PALLD: variants seen among roughly 807,000 people sequenced by gnomAD.
The protein encoded by PALLD is palladin, cytoskeletal associated protein.
PALLD carries 61 observed loss-of-function variants against 123.5 expected under a neutral mutation model. That is an observed-to-expected ratio of 0.49 (90% CI 0.40 to 0.61). The LOEUF (loss-of-function observed/expected upper bound fraction) is 0.61, where lower values mean the gene tolerates loss of function less well. Among genes scored for constraint, PALLD ranks in the 20% least tolerant of loss-of-function variants. PALLD has a pLI of 0.00. For synonymous variants in PALLD, 465 were observed against 496.4 expected, an observed-to-expected ratio of 0.94 and a Z score of 0.84; for missense variants, 1,273 against 1,377.0, an observed-to-expected ratio of 0.92 and a Z score of 1.20.
intron 10 of PALLD, among the ~76,000 whole-genome samples, chr4:168,766,346 A>T (rs1010620265): frequency 6.6e-6 from 1 of 152,210 alleles, no homozygotes; most frequent in Non-Finnish European, 1.5e-5. Context: ...TTTCACTTAA[A>T]AAATAATAAG....
chr4:168,575,973 AG>A (rs1183807239), intron 2 of PALLD, among the ~76,000 whole-genome samples: 6 of 152,136 alleles, frequency 3.9e-5, no homozygotes, highest in Non-Finnish European at 2.9e-5. Flanking sequence ...GAGGAGCTCC[AG>A]GTATTTCTAT....
rs748402946 is a variant in PALLD at position 168,926,580 on chromosome 4, T to C, written c.*400T>C. 10 of 497,392 alleles carry C rather than the reference T, an allele frequency of 2.0e-5. No homozygotes were observed. The highest frequency in any genetic ancestry group is 5.8e-5 in the African/African-American group (3 of 51,820). The allele number at this position is 497,392 out of a possible 1,614,324, so 30.8% of individuals were successfully genotyped here. A position where few individuals can be genotyped will look rare whatever the true frequency, so the allele number is the denominator to read the frequency against. On this transcript the variant is annotated 3_prime_UTR_variant, in exon 22 of 22. Transcript: ENST00000505667. ...GATAATGCTAATACAAATATACACA[T>C]TGCACAGAAAATACACATTTACTGT...
chr4:168,749,629 G>A (rs201540851), intron 10 of PALLD, among the ~76,000 whole-genome samples: 3 of 152,134 alleles, frequency 2.0e-5, no homozygotes, highest in South Asian at 2.1e-4. Context: ...ACTTGAACCC[G>A]AGAGGCAGAG....
At chr4:168,896,446 C>G (rs886421182) in intron 12 of PALLD, 103 bp from the exon 13 acceptor site, 9 of 721,426 alleles carry the variant, frequency 1.2e-5, no homozygotes, top group Admixed American at 6.1e-5. Context: ...CTACCAAACG[C>G]ATATTGCTAG....
chr4:168,743,855 A>C (rs1159304039), intron 10 of PALLD, among the ~76,000 whole-genome samples: 8 of 152,174 alleles, frequency 5.3e-5, no homozygotes, highest in Admixed American at 5.2e-4. Flanking sequence ...CTATCTGTGG[A>C]CATCTCCCAG....
At chr4:168,529,199 T>C (rs1226604621) in intron 2 of PALLD, among the ~76,000 whole-genome samples, 3 of 152,098 alleles carry the variant, frequency 2.0e-5, no homozygotes, top group African/African-American at 4.8e-5. Flanking sequence ...TCGTTGGGCA[T>C]GGTGGCACAT....
At chr4:168,855,678 C>A (rs747732757) in intron 10 of PALLD, among the ~76,000 whole-genome samples, 2 of 152,164 alleles carry the variant, frequency 1.3e-5, no homozygotes, top group Non-Finnish European at 2.9e-5. Context: ...CTATATAGTT[C>A]AGCCTTTGTC....
rs1759973226 is a variant in PALLD, at chr4:168,915,841, TG to T, written c.2718-52del. ...TTAAGAAAACAGATGACTAAAAGTC[TG>T]GAAGTAACTACTATCTATATTTCTA... On this transcript the variant is annotated intron_variant, in intron 16 of 21. Coordinates refer to ENST00000505667, the MANE Select transcript of PALLD (RefSeq NM_001166108.2). 3 of 1,428,306 alleles carry T rather than the reference TG, an allele frequency of 2.1e-6. No individual in the cohort carries two copies. The Admixed American group carries it at 5.0e-5, about 24-fold the overall frequency. 88.5% of individuals were successfully genotyped at this position (1,428,306 alleles called of 1,614,324 possible).
chr4:168,500,836 T>C (rs1236157347), intron 1 of PALLD, among the ~76,000 whole-genome samples: 1 of 152,206 alleles, frequency 6.6e-6, no homozygotes, highest in Admixed American at 6.5e-5. Flanking sequence ...TATTCATATA[T>C]GAATGTGAAC....
chr4:168,807,651 C>CATCA, intron 10 of PALLD, among the ~76,000 whole-genome samples: 1 of 151,800 alleles, frequency 6.6e-6, no homozygotes, highest in Non-Finnish European at 1.5e-5. Context: ...TCAGGTGATC[C>CATCA]GCCCACCTTG....
intron 5 of PALLD, among the ~76,000 whole-genome samples, chr4:168,684,142 G>A (rs918920297): frequency 6.6e-6 from 1 of 152,098 alleles, no homozygotes; most frequent in Non-Finnish European, 1.5e-5. Flanking sequence ...TTCATGACAG[G>A]AAAAAATGTC....
At chr4:168,727,058 A>C (rs1212872297) in intron 10 of PALLD, among the ~76,000 whole-genome samples, 1 of 152,124 alleles carries the variant, frequency 6.6e-6, no homozygotes, top group African/African-American at 2.4e-5. Context: ...ACATGATTTC[A>C]TTCTTTTATA....
At chr4:168,497,336 G>A (rs1001026094) in intron 1 of PALLD, 142 bp downstream of exon 1, 1 of 152,028 alleles carries the variant, frequency 6.6e-6, no homozygotes, top group African/African-American at 2.4e-5. Flanking sequence ...GCTTGGAGAG[G>A]AAACGTAATG....
At chr4:168,561,941 T>C (rs1405857098) in intron 2 of PALLD, among the ~76,000 whole-genome samples, 4 of 152,224 alleles carry the variant, frequency 2.6e-5, no homozygotes, top group African/African-American at 4.8e-5. Context: ...GATAATAATA[T>C]TTAAATTACA....
chr4:168,650,474 T>C (rs1475169608), intron 2 of PALLD, among the ~76,000 whole-genome samples: 1 of 152,204 alleles, frequency 6.6e-6, no homozygotes, highest in East Asian at 1.9e-4. Flanking sequence ...ATAATGGCCG[T>C]TTCCTTTTTG....
chr4:168,883,731 A>G (rs1056555955), intron 10 of PALLD, among the ~76,000 whole-genome samples: 9 of 152,324 alleles, frequency 5.9e-5, no homozygotes, highest in South Asian at 2.1e-4. Context: ...TTAAATGACA[A>G]ATGACTTACT....
chr4:168,655,066 T>C (rs1778424689), intron 2 of PALLD, among the ~76,000 whole-genome samples: 2 of 152,160 alleles, frequency 1.3e-5, no homozygotes, highest in African/African-American at 4.8e-5. Flanking sequence ...CCAGAATAGT[T>C]GGTGCAAGGT....
chr4:168,597,382 A>G (rs62335507), intron 2 of PALLD, among the ~76,000 whole-genome samples: 12,829 of 152,092 alleles, frequency 0.084, 724 homozygotes, highest in Non-Finnish European at 0.12. Flanking sequence ...GAAAAAGAAT[A>G]CAATATTAAG....
chr4:168,743,843 A>G (rs1788600478), intron 10 of PALLD, among the ~76,000 whole-genome samples: 1 of 152,184 alleles, frequency 6.6e-6, no homozygotes, highest in Non-Finnish European at 1.5e-5. Flanking sequence ...ACCGCCATGT[A>G]TCTATCTGTG....
Sources: allele counts gnomAD v4.1 joint callset (sites outside exome capture counted in the v4.1 genomes callset), GRCh38; gene constraint gnomAD v4.1.1; transcripts MANE v1.5; gene names NCBI Gene and HGNC (gene_info 2026-07-23, HGNC 2026-07-21).